The following NUMB variants were observed in gnomAD, a reference collection of about 807,000 sequenced individuals.
NUMB encodes the protein NUMB endocytic adaptor protein, also known as protein numb homolog.
Under a neutral mutation model 59.7 loss-of-function variants are expected in NUMB, and 29 were observed. The ratio of observed to expected loss-of-function variants is 0.49; its 90% confidence interval spans 0.36 to 0.66. NUMB has a LOEUF of 0.66. NUMB is among the 30% of genes least tolerant of loss of function. NUMB has a pLI of 0.00. For missense variants in NUMB, 723 were observed against 822.0 expected, an observed-to-expected ratio of 0.88 and a Z score of 1.47; for synonymous variants, 288 against 288.2, an observed-to-expected ratio of 1.00 and a Z score of 0.01.
intron 5 of NUMB, among the ~76,000 whole-genome samples, chr14:73,320,665 A>G (rs992100752): frequency 6.6e-6 from 1 of 152,186 alleles, no homozygotes; most frequent in African/African-American, 2.4e-5. Flanking sequence ...ATTTGACCAC[A>G]TATTGTAGAT....
Position 73,287,243 on chromosome 14 carries a change from C to T in NUMB, c.522G>A (p.Lys174=). 6.2e-7 allele frequency: 1 copy of T among 1,613,748 alleles called. No homozygotes were observed. The highest frequency in any genetic ancestry group is 1.7e-5 in the Admixed American group (1 of 59,956). Residue 174 remains lysine, a synonymous_variant, in exon 9 of 13, where the codon AAG becomes AAA. Transcript: ENST00000555238. The part of the protein sequence containing the change: ...ACLERKQKRE[K]ECGVTATFDA... ...CAAAAGTAGCAGTCACTCCACATTC[C>T]TTCTCCCGCTTCTGCTTGCGCTCTA...
intron 1 of NUMB, among the ~76,000 whole-genome samples, chr14:73,435,404 G>C (rs1028274734): frequency 2.0e-5 from 3 of 151,030 alleles, no homozygotes; most frequent in African/African-American, 7.3e-5. Context: ...CTCCTGAGTA[G>C]CTGGGACTAC....
intron 1 of NUMB, among the ~76,000 whole-genome samples, chr14:73,444,014 TCTCCTGCCTCAGC>T (rs1883280357): frequency 1.3e-5 from 2 of 152,104 alleles, no homozygotes; most frequent in Middle Eastern, 3.4e-3. Context: ...TTCAAGTGAT[TCTCCTGCCTCAGC>T]CTCCTGAGTG....
intron 3 of NUMB, chr14:73,357,106 T>A (rs1893829706): frequency 1.5e-6 from 1 of 678,922 alleles, no homozygotes; most frequent in Non-Finnish European, 1.8e-6. Context: ...ATCAACTCTG[T>A]AACTAAAAAG....
intron 1 of NUMB, among the ~76,000 whole-genome samples, chr14:73,454,137 A>AAACCTCAG (rs1167196759): frequency 6.6e-6 from 1 of 152,054 alleles, no homozygotes; most frequent in Non-Finnish European, 1.5e-5. Context: ...ATCATACCTC[A>AAACCTCAG]AACCTCAGCA....
intron 5 of NUMB, among the ~76,000 whole-genome samples, chr14:73,316,850 G>T (rs938616288): frequency 4.6e-5 from 7 of 152,226 alleles, no homozygotes; most frequent in Admixed American, 4.6e-4. Context: ...GTTTAAAATT[G>T]GCGGTCAACT....
chr14:73,406,142 C>T (rs529223069), intron 2 of NUMB, among the ~76,000 whole-genome samples: 104 of 150,028 alleles, frequency 6.9e-4, no homozygotes, highest in Non-Finnish European at 1.2e-3. Context: ...ATGTGCACAA[C>T]GTGCAGGTTT....
At chr14:73,390,632 C>CA (rs1200024443) in intron 2 of NUMB, among the ~76,000 whole-genome samples, 1 of 81,348 alleles carries the variant, frequency 1.2e-5, no homozygotes, top group Non-Finnish European at 2.9e-5. Flanking sequence ...AGGACAAAAA[C>CA]AAAGTCTTTT....
intron 4 of NUMB, among the ~76,000 whole-genome samples, chr14:73,334,545 C>T (rs1295301812): frequency 1.3e-5 from 2 of 152,120 alleles, no homozygotes; most frequent in Non-Finnish European, 2.9e-5. Context: ...TTGTTTTTAA[C>T]AGCTCTATTT....
At chr14:73,438,484 A>G (rs973202396) in intron 1 of NUMB, among the ~76,000 whole-genome samples, 2 of 152,044 alleles carry the variant, frequency 1.3e-5, no homozygotes, top group African/African-American at 4.8e-5. Context: ...TACAAAAATT[A>G]GCCAGGTGTG....
chr14:73,337,708 CAT>C (rs1892410957), intron 4 of NUMB, among the ~76,000 whole-genome samples: 1 of 152,072 alleles, frequency 6.6e-6, no homozygotes, highest in Non-Finnish European at 1.5e-5. Context: ...CTGTAATATT[CAT>C]AGACTATATT....
chr14:73,443,408 C>T (rs1006598106), intron 1 of NUMB, among the ~76,000 whole-genome samples: 7 of 151,880 alleles, frequency 4.6e-5, no homozygotes, highest in Non-Finnish European at 1.0e-4. Context: ...CCAGCCTGGC[C>T]AACATGGTGA....
At chr14:73,391,421 AAG>A (rs1433160433) in intron 2 of NUMB, among the ~76,000 whole-genome samples, 3 of 152,094 alleles carry the variant, frequency 2.0e-5, no homozygotes, top group South Asian at 2.1e-4. Flanking sequence ...AAAAAAGAAA[AAG>A]AAAAAATCAT....
rs752352540 is a variant in NUMB, at chr14:73,277,213, C to T, written c.1321G>A (p.Asp441Asn). The change falls in exon 13 of 13, where the codon GAC (aspartate) becomes AAC (asparagine). Residue 441 changes from aspartate to asparagine, a missense_variant. This residue lies in a region of NUMB where 406 missense variants were observed against 385.4 expected (regional missense o/e 1.05). Transcript: ENST00000555238. ...AGHRRTPSEA[D>N]RWLEEVSKSV... ...TTAGACACCTCTTCTAACCATCGGTCGGCCTCAGAGGGAGTACGTCTATGA... is the reference window on the plus strand; with the variant it reads ...TTAGACACCTCTTCTAACCATCGGTTGGCCTCAGAGGGAGTACGTCTATGA... 7 of 1,613,888 alleles carry T rather than the reference C, an allele frequency of 4.3e-6. No individual in the cohort carries two copies. The highest frequency in any genetic ancestry group is 2.2e-5 in the East Asian group (1 of 44,884).
At chr14:73,336,970 G>A (rs1892353191) in intron 4 of NUMB, among the ~76,000 whole-genome samples, 2 of 152,078 alleles carry the variant, frequency 1.3e-5, no homozygotes, top group Middle Eastern at 3.4e-3. Context: ...GGTGGCATGC[G>A]CCTGTAATCC....
chr14:73,304,787 T>TCGGGAAC, intron 6 of NUMB, among the ~76,000 whole-genome samples: 1 of 152,092 alleles, frequency 6.6e-6, no homozygotes, highest in East Asian at 1.9e-4. Context: ...TGAGGCAGAG[T>TCGGGAAC]CTTGCTCTGT....
intron 2 of NUMB, among the ~76,000 whole-genome samples, chr14:73,381,372 T>G (rs568010521): frequency 6.6e-6 from 1 of 151,576 alleles, no homozygotes; most frequent in East Asian, 1.9e-4. Flanking sequence ...AAAAAAAAGG[T>G]AAGAAAATCC....
intron 6 of NUMB, among the ~76,000 whole-genome samples, chr14:73,301,070 A>T (rs1459259522): frequency 6.6e-6 from 1 of 152,244 alleles, no homozygotes; most frequent in Non-Finnish European, 1.5e-5. Context: ...GGTTTCTTCC[A>T]TCTATCATTC....
chr14:73,312,292 G>C (rs1399208229), intron 6 of NUMB, among the ~76,000 whole-genome samples: 1 of 151,988 alleles, frequency 6.6e-6, no homozygotes, highest in African/African-American at 2.4e-5. Flanking sequence ...TACTTGGGAG[G>C]CTGAAGCAAA....
Sources: allele counts gnomAD v4.1 joint callset (sites outside exome capture counted in the v4.1 genomes callset), GRCh38; gene constraint gnomAD v4.1.1; regional missense constraint gnomAD v4.1.1; transcripts MANE v1.5; gene names NCBI Gene and HGNC (gene_info 2026-07-23, HGNC 2026-07-21).